Variants in SP140L observed in about 807,000 individuals in gnomAD.
SP140L encodes the protein nuclear body protein SP140-like protein.
In SP140L, 64 loss-of-function variants were observed where a neutral mutation model predicts 84.3. The observed-to-expected ratio is 0.76, with a 90% CI of 0.62 to 0.94. SP140L has a LOEUF of 0.94. Ranked by LOEUF, SP140L falls within the 40% of genes least tolerant of loss-of-function variation. SP140L has a pLI of 0.00. For missense variants in SP140L, 628 were observed against 692.5 expected (o/e 0.91, Z 1.05); for synonymous variants, 242 against 236.9 (o/e 1.02, Z -0.20).
At chr2:230,332,569 G>A (rs1002012192) in intron 2 of SP140L, among the ~76,000 whole-genome samples, 4 of 152,152 alleles carry the variant, frequency 2.6e-5, no homozygotes, top group Admixed American at 6.5e-5. Context: ...CAGTGTTATC[G>A]TTATGAGGGT....
chr2:230,366,281 T>C (rs1382204201), intron 5 of SP140L, among the ~76,000 whole-genome samples: 1 of 152,302 alleles, frequency 6.6e-6, no homozygotes, highest in East Asian at 1.9e-4. Context: ...ATTTATTTAA[T>C]ATATATTTGG....
At chr2:230,343,536 A>G (rs1052806941) in intron 2 of SP140L, among the ~76,000 whole-genome samples, 2 of 147,516 alleles carry the variant, frequency 1.4e-5, no homozygotes, top group Non-Finnish European at 3.0e-5. Context: ...TAGTGCTGCA[A>G]TGAGCATACA....
At chr2:230,356,957 T>C (rs536591316) in intron 2 of SP140L, among the ~76,000 whole-genome samples, 2 of 152,178 alleles carry the variant, frequency 1.3e-5, no homozygotes, top group African/African-American at 2.4e-5. Context: ...CTTTATGTTG[T>C]GTACTGGGAA....
chr2:230,329,217 T>G (rs2059661169), intron 2 of SP140L, among the ~76,000 whole-genome samples: 1 of 152,216 alleles, frequency 6.6e-6, no homozygotes, highest in Admixed American at 6.5e-5. Context: ...GTTCTTCTGT[T>G]AAGGTGGCAG....
intron 2 of SP140L, among the ~76,000 whole-genome samples, chr2:230,355,105 C>G (rs1304999784): frequency 6.6e-6 from 1 of 151,950 alleles, no homozygotes; most frequent in African/African-American, 2.4e-5. Context: ...AACTCCTGAC[C>G]AGCGAAATAA....
chr2:230,327,564 G>A (rs550943602), intron 1 of SP140L, among the ~76,000 whole-genome samples: 1 of 152,302 alleles, frequency 6.6e-6, no homozygotes, highest in East Asian at 1.9e-4. Flanking sequence ...AGCTGGCGGG[G>A]ACACTCTGAA....
At chr2:230,385,360 A>G in intron 9 of SP140L, 56 bp downstream of exon 9, 1 of 1,516,410 alleles carries the variant, frequency 6.6e-7, no homozygotes, top group East Asian at 2.3e-5. Flanking sequence ...GCACATGTTG[A>G]GGTTTTGAGG....
At chr2:230,391,430 T>C (rs10194531) in intron 11 of SP140L, among the ~76,000 whole-genome samples, 33,782 of 152,224 alleles carry the variant, frequency 0.22, 4,196 homozygotes, top group Non-Finnish European at 0.29. Context: ...TGTGATGTGG[T>C]ATCTCATTGT....
Position 230,403,448 on chromosome 2 carries a change from C to T in SP140L, c.*552C>T, listed in dbSNP as rs11692527. On this transcript the variant is annotated 3_prime_UTR_variant, in exon 19 of 19. Coordinates refer to ENST00000415673, the MANE Select transcript of SP140L (RefSeq NM_138402.6). ...CGAACTCCTGACCTCATGAGCCGCC[C>T]GCCTTGGCCTCCCAAAGTGCTGGGA... The T allele has an allele frequency of 0.22, 33,793 of 152,256 alleles. 4,727 individuals carry two copies. The highest frequency in any genetic ancestry group is 0.31 in the Non-Finnish European group (20,868 of 68,150). The allele number at this position is 152,256 out of a possible 1,614,324, so 9.4% of individuals were successfully genotyped here.
rs1452205418 is a variant in SP140L, at chr2:230,402,891, A to G, written c.1738A>G (p.Ser580Gly). 6.2e-7 allele frequency: 1 copy of G among 1,610,954 alleles called. No homozygotes were observed. The highest frequency in any genetic ancestry group is 1.7e-5 in the Admixed American group (1 of 59,238). Residue 580 changes from serine to glycine, a missense_variant, in exon 19 of 19, where the codon AGT (serine) becomes GGT (glycine). Ser to Gly is a moderately conservative substitution (Grantham distance 56). Transcript: ENST00000415673. ...TGCTATTCAGGAAACAAATGGGAAC[A>G]GTTGACTGGTTTAGTGGATGCTGAA... ...VFAIQETNGNS is the reference protein window; with the variant it reads ...VFAIQETNGNG
In SP140L at chr2:230,327,274, C is replaced by A. The variant is rs367775251; in HGVS notation, c.5C>A (p.Ala2Glu). The change falls in exon 1 of 19, where the codon GCA becomes GAA. Residue 2 changes from alanine to glutamate, a missense_variant. Ala to Glu is a moderately radical substitution (Grantham distance 107). This residue lies in a region of SP140L where 525 missense variants were observed against 518.4 expected (regional missense o/e 1.01). Coordinates refer to ENST00000415673, the MANE Select transcript of SP140L (RefSeq NM_138402.6). MAGGGSDLSTRG... is the reference protein window; with the variant it reads MEGGGSDLSTRG... The stretch of plus-strand genomic sequence containing the variant: ...GGCAGGGCCTAGGGTGGGACGATGG[C>A]AGGTGGGGGCAGCGACCTGAGCACC... 3.4e-5 allele frequency: 55 copies of A among 1,611,288 alleles called. No individual in the cohort carries two copies. Among genetic ancestry groups the A allele is most frequent in the Non-Finnish European group, 4.5e-5 (53 of 1,178,828 alleles).
intron 6 of SP140L, 58 bp downstream of exon 6, chr2:230,371,025 G>A: frequency 6.7e-7 from 1 of 1,485,736 alleles, no homozygotes; most frequent in Non-Finnish European, 9.4e-7. Flanking sequence ...CAGACCCTGG[G>A]AAGAGTGGAG....
chr2:230,337,491 T>G (rs2059913521), intron 2 of SP140L, among the ~76,000 whole-genome samples: 1 of 150,654 alleles, frequency 6.6e-6, no homozygotes, highest in African/African-American at 2.4e-5. Context: ...AGAAGCTCTT[T>G]AGTTTAATTA....
At chr2:230,391,277 T>A (rs573374200) in intron 11 of SP140L, among the ~76,000 whole-genome samples, 1 of 152,356 alleles carries the variant, frequency 6.6e-6, no homozygotes, top group South Asian at 2.1e-4. Context: ...TATTCTTAAC[T>A]TATTGAGGAA....
At chr2:230,392,009 G>T (rs1242185327) in intron 11 of SP140L, 78 bp from the exon 12 acceptor site, 14 of 1,587,170 alleles carry the variant, frequency 8.8e-6, no homozygotes, top group Non-Finnish European at 1.2e-5. Context: ...GGTGGCTCTA[G>T]ATCCAATGTG....
intron 2 of SP140L, among the ~76,000 whole-genome samples, chr2:230,346,467 CT>C (rs1315452740): frequency 1.3e-5 from 2 of 152,124 alleles, no homozygotes; most frequent in East Asian, 1.9e-4. Flanking sequence ...TTTAAATTGA[CT>C]TTCTGCTCAT....
At chr2:230,344,863 G>A (rs1423445387) in intron 2 of SP140L, among the ~76,000 whole-genome samples, 5 of 152,094 alleles carry the variant, frequency 3.3e-5, no homozygotes, top group Non-Finnish European at 7.4e-5. Context: ...TATGGATTTC[G>A]AGTTTCATAC....
intron 9 of SP140L, among the ~76,000 whole-genome samples, chr2:230,387,611 C>G (rs2061637832): frequency 6.6e-6 from 1 of 152,126 alleles, no homozygotes; most frequent in Non-Finnish European, 1.5e-5. Flanking sequence ...TGACCCTGAC[C>G]AGCATCCCTA....
At chr2:230,370,122 T>A (rs1228651775) in intron 5 of SP140L, among the ~76,000 whole-genome samples, 2 of 152,242 alleles carry the variant, frequency 1.3e-5, no homozygotes. Context: ...TGATAAGAGC[T>A]TTTTAATTTT....
Sources: gnomAD v4.1 joint callset for allele counts (sites outside exome capture counted in the v4.1 genomes callset) on GRCh38, gnomAD v4.1.1 for gene constraint, gnomAD v4.1.1 regional missense constraint, MANE v1.5 for transcripts, NCBI Gene and HGNC (gene_info 2026-07-23, HGNC 2026-07-21) for gene names.